The following MSMB variants were observed in gnomAD, a reference collection of about 807,000 sequenced individuals.
The protein encoded by MSMB is microseminoprotein beta.
MSMB carries 10 observed loss-of-function variants against 10.5 expected under a neutral mutation model. The ratio of observed to expected loss-of-function variants is 0.95; its 90% CI spans 0.59 to 1.62. The LOEUF (loss-of-function observed/expected upper bound fraction) is 1.62, where lower values mean the gene tolerates loss of function less well. Among genes scored for constraint, MSMB ranks in the 40% most tolerant of loss-of-function variants. The pLI, the probability that MSMB is intolerant of heterozygous loss-of-function variation, is 0.00. For synonymous variants in MSMB, 43 were observed against 46.5 expected, an observed-to-expected ratio of 0.93 and a Z score of 0.30; for missense variants, 126 against 137.4, an observed-to-expected ratio of 0.92 and a Z score of 0.42.
chr10:46,033,468 T>G lies in MSMB; in HGVS notation c.299A>C (p.Lys100Thr). 2 of 1,614,054 alleles carry G rather than the reference T, an allele frequency of 1.2e-6. No homozygotes were observed. Among genetic ancestry groups the G allele is most frequent in the Non-Finnish European group, 1.7e-6 (2 of 1,179,902 alleles). The part of the protein sequence containing the change: ...KEDCKYIVVE[K>T]KDPKKTCSVS... ...AGAACAGGTCTTTTTTGGGTCCTTCTTCTCCACCACGATATACTTGCAGTC... is the reference window on the plus strand; with the variant it reads ...AGAACAGGTCTTTTTTGGGTCCTTCGTCTCCACCACGATATACTTGCAGTC... The change falls in exon 4 of 4, where the codon AAG (lysine) becomes ACG (threonine). Residue 100 changes from lysine to threonine, a missense_variant. Transcript: ENST00000582163.
In MSMB at chr10:46,039,653, G is replaced by T. The variant is rs543644734; in HGVS notation, c.109+333C>A. Reference sequence around the variant, plus strand: ...TCCCAACACTTTGGGAGGCTGTGGCGGGCAGATGACCTGAGGTCAGGAGTT... The same window carrying T: ...TCCCAACACTTTGGGAGGCTGTGGCTGGCAGATGACCTGAGGTCAGGAGTT... On this transcript the variant is annotated intron_variant, in intron 2 of 3. Coordinates refer to ENST00000582163, the MANE Select transcript of MSMB (RefSeq NM_002443.4). Among the ~76,000 whole-genome samples, 15 of 152,350 alleles carry T rather than the reference G, an allele frequency of 9.8e-5. No homozygotes were observed. The East Asian group carries it at 2.7e-3, about 27-fold the overall frequency.
At chr10:46,039,363 T>C (rs782287260) in intron 2 of MSMB, among the ~76,000 whole-genome samples, 2 of 152,236 alleles carry the variant, frequency 1.3e-5, no homozygotes, top group Non-Finnish European at 2.9e-5. Context: ...TAGATAGCCA[T>C]GTGAGCCTGT....
At chr10:46,034,236 T>C (rs1840541702) in intron 3 of MSMB, among the ~76,000 whole-genome samples, 1 of 151,976 alleles carries the variant, frequency 6.6e-6, no homozygotes, top group South Asian at 2.1e-4. Context: ...CCTCAGCCTC[T>C]TGAGTAGCTG....
chr10:46,043,700 A>C (rs533997408), intron 1 of MSMB, among the ~76,000 whole-genome samples: 6 of 152,056 alleles, frequency 3.9e-5, no homozygotes, highest in South Asian at 4.2e-4. Flanking sequence ...TTTGGGACGG[A>C]ATCTCGTTCT....
chr10:46,044,073 C>T (rs144198122), intron 1 of MSMB, among the ~76,000 whole-genome samples: 2 of 152,292 alleles, frequency 1.3e-5, no homozygotes, highest in Non-Finnish European at 2.9e-5. Context: ...CTGAGGTCCA[C>T]CCCTGAGTAG....
intron 1 of MSMB, among the ~76,000 whole-genome samples, chr10:46,041,544 A>G (rs1453003424): frequency 6.6e-6 from 1 of 152,168 alleles, no homozygotes; most frequent in Non-Finnish European, 1.5e-5. Context: ...CTGTAATCTC[A>G]GCAATTTGGG....
At chr10:46,044,660 T>C (rs959627179) in intron 1 of MSMB, among the ~76,000 whole-genome samples, 2 of 146,022 alleles carry the variant, frequency 1.4e-5, no homozygotes, top group Non-Finnish European at 3.0e-5. Flanking sequence ...TGATCAAGAG[T>C]TGGGGGTCTG....
At position 46,038,008 on chromosome 10, in the gene MSMB, G is replaced by A. The variant is rs566754620; in HGVS notation, c.215+958C>T. 5.3e-5 allele frequency among the ~76,000 whole-genome samples: 8 copies of A among 152,150 alleles called. 1 individual carries two copies. The highest frequency in any genetic ancestry group is 7.3e-5 in the Non-Finnish European group (5 of 68,028). On this transcript the variant is annotated intron_variant, in intron 3 of 3. Transcript: ENST00000582163. ...ATGAGGATATTATGCTAAGTGAAAT[G>A]AGCCAGTCTCAAAAAAGCAATTACT... is the stretch of plus-strand genomic sequence containing the variant.
rs1042320491 is a variant in MSMB, at chr10:46,039,169, A to G, written c.110-98T>C. The G allele has an allele frequency of 1.1e-5, 11 of 993,928 alleles. No homozygotes were observed. The African/African-American group carries it at 1.6e-4, about 15-fold the overall frequency. The allele number at this position is 993,928 out of a possible 1,614,324, so 61.6% of individuals were successfully genotyped here. On this transcript the variant is annotated intron_variant, in intron 2 of 3. Coordinates refer to ENST00000582163, the MANE Select transcript of MSMB (RefSeq NM_002443.4). The stretch of plus-strand genomic sequence containing the variant: ...TGCCCCTACTATCTACACCCCTCCC[A>G]GAGAGAGAGGAGCTCAATTATTTTA...
intron 2 of MSMB, 75 bp downstream of exon 2, chr10:46,039,911 A>G (rs1252021554): frequency 6.3e-6 from 7 of 1,114,094 alleles, no homozygotes; most frequent in Non-Finnish European, 8.0e-6. Context: ...ACAGAAACAC[A>G]AAGGCTTTCA....
chr10:46,040,245 G>A (rs967326464), intron 1 of MSMB, among the ~76,000 whole-genome samples, 154 bp from the exon 2 acceptor site: 2 of 152,200 alleles, frequency 1.3e-5, no homozygotes, highest in African/African-American at 2.4e-5. Context: ...GGCTGAAATT[G>A]TAGAACAAGG....
chr10:46,036,015 G>A (rs1840594523), intron 3 of MSMB, among the ~76,000 whole-genome samples: 2 of 152,206 alleles, frequency 1.3e-5, no homozygotes, highest in Non-Finnish European at 2.9e-5. Flanking sequence ...ACAGCAGAGA[G>A]AGAGAGGGAG....
intron 1 of MSMB, among the ~76,000 whole-genome samples, chr10:46,042,363 T>C (rs1840773976): frequency 6.6e-6 from 1 of 152,108 alleles, no homozygotes; most frequent in Non-Finnish European, 1.5e-5. Flanking sequence ...AATGTAAATA[T>C]GTAGCATGAA....
rs1223558322 is a variant in MSMB at position 46,040,057 on chromosome 10, G to C, written c.38C>G (p.Thr13Ser). 8 of 1,613,808 alleles carry C rather than the reference G, an allele frequency of 5.0e-6. No homozygotes were observed. In the African/African-American group the frequency reaches 1.1e-4, roughly 22 times the overall value. ...VLLGSVVIFA[T>S]FVTLCNASCY... ...TGATGCATTGCATAAAGTCACGAAGGTGGCAAAGATCACAACGCTGCCCAG... is the reference window on the plus strand; with the variant it reads ...TGATGCATTGCATAAAGTCACGAAGCTGGCAAAGATCACAACGCTGCCCAG... Residue 13 changes from threonine (T) to serine (S), a missense_variant, in exon 2 of 4, where the codon ACC (threonine) becomes AGC (serine). Physicochemically the swap from Thr to Ser is moderately conservative, Grantham distance 58 (BLOSUM62 1). Coordinates refer to ENST00000582163, the MANE Select transcript of MSMB (RefSeq NM_002443.4).
chr10:46,037,425 G>A (rs111926332), intron 3 of MSMB, among the ~76,000 whole-genome samples: 1 of 152,154 alleles, frequency 6.6e-6, no homozygotes, highest in Non-Finnish European at 1.5e-5. Context: ...AGATGGATTT[G>A]GGGGGTTGGG....
intron 3 of MSMB, among the ~76,000 whole-genome samples, chr10:46,038,633 C>T (rs1468209562): frequency 6.6e-6 from 1 of 152,062 alleles, no homozygotes; most frequent in African/African-American, 2.4e-5. Context: ...ACTAACCCCC[C>T]AATACCACAA....
In MSMB at chr10:46,033,425, G is replaced by C. The variant is rs1138479; in HGVS notation, c.342C>G (p.Ile114Met). 7 of 1,613,552 alleles carry C rather than the reference G, an allele frequency of 4.3e-6. No individual in the cohort carries two copies. The highest frequency in any genetic ancestry group is 5.9e-6 in the Non-Finnish European group (7 of 1,179,532). The change falls in exon 4 of 4, where the codon ATC becomes ATG. Residue 114 changes from isoleucine to methionine, a missense_variant. Coordinates refer to ENST00000582163, the MANE Select transcript of MSMB (RefSeq NM_002443.4). Reference sequence around the variant, plus strand: ...CCCTGTGCCTACTAGAAGCACATTAGATTATCCATTCACTGACAGAACAGG... The same window carrying C: ...CCCTGTGCCTACTAGAAGCACATTACATTATCCATTCACTGACAGAACAGG... ...KKTCSVSEWI[I>M]
chr10:46,043,395 GTCTC>G (rs140727583), intron 1 of MSMB, among the ~76,000 whole-genome samples: 9 of 150,212 alleles, frequency 6.0e-5, no homozygotes, highest in African/African-American at 1.5e-4. Context: ...GCCTAATGCT[GTCTC>G]TCTCTCTCTC....
chr10:46,039,078 T>C lies in MSMB; in HGVS notation c.110-7A>G. 1 of 1,612,180 alleles carries C rather than the reference T, an allele frequency of 6.2e-7. No homozygotes were observed. The highest frequency in any genetic ancestry group is 8.5e-7 in the Non-Finnish European group (1 of 1,178,466). ...CCTTTGAGATCCATGCATTCTAAAATAATACACACAACATCATCAGTGCAA... is the reference window on the plus strand; with the variant it reads ...CCTTTGAGATCCATGCATTCTAAAACAATACACACAACATCATCAGTGCAA... On this transcript the variant is annotated splice_polypyrimidine_tract_variant and splice_region_variant and intron_variant, in intron 2 of 3. Transcript: ENST00000582163.
Sources: gnomAD v4.1 joint callset for allele counts (sites outside exome capture counted in the v4.1 genomes callset) on GRCh38, gnomAD v4.1.1 for gene constraint, MANE v1.5 for transcripts, NCBI Gene and HGNC (gene_info 2026-07-23, HGNC 2026-07-21) for gene names.